The following ATXN1 variants were observed in gnomAD, a reference collection of about 807,000 sequenced individuals.
ATXN1 encodes the protein ataxin 1.
Under a neutral mutation model 56.4 loss-of-function variants are expected in ATXN1, and 8 were observed. That is an observed-to-expected ratio of 0.14 (90% CI 0.08 to 0.26). ATXN1 has a LOEUF of 0.26. Among genes scored for constraint, ATXN1 ranks in the 10% least tolerant of loss-of-function variants. The pLI is 1.00. For missense variants in ATXN1, 987 were observed against 1,106.5 expected (o/e 0.89, Z 1.53); for synonymous variants, 514 against 494.6 (o/e 1.04, Z -0.52).
At chr6:16,562,180 C>T (rs1481029416) in intron 4 of ATXN1, among the ~76,000 whole-genome samples, 1 of 151,834 alleles carries the variant, frequency 6.6e-6, no homozygotes, top group Non-Finnish European at 1.5e-5. Context: ...GGAGACCAGC[C>T]TGGGCAACAC....
intron 6 of ATXN1, among the ~76,000 whole-genome samples, chr6:16,337,464 T>C (rs1761149649): frequency 6.6e-6 from 1 of 152,196 alleles, no homozygotes; most frequent in Admixed American, 6.5e-5. Flanking sequence ...AGTGGCTGTG[T>C]AGCCAGTGTC....
chr6:16,635,018 G>A (rs1763570107), intron 3 of ATXN1, among the ~76,000 whole-genome samples: 1 of 152,186 alleles, frequency 6.6e-6, no homozygotes, highest in African/African-American at 2.4e-5. Context: ...AACAGGAGGT[G>A]AGCAGTAGGC....
intron 6 of ATXN1, among the ~76,000 whole-genome samples, chr6:16,409,575 C>A: frequency 6.6e-6 from 1 of 151,306 alleles, no homozygotes; most frequent in Non-Finnish European, 1.5e-5. Flanking sequence ...ATAGCTTGAA[C>A]CTGGGAGGTG....
At chr6:16,653,391 C>G (rs901376288) in intron 3 of ATXN1, among the ~76,000 whole-genome samples, 1 of 152,266 alleles carries the variant, frequency 6.6e-6, no homozygotes, top group Non-Finnish European at 1.5e-5. Flanking sequence ...AAACTTGATC[C>G]TTTTCAGCAG....
chr6:16,493,303 C>T (rs1760706232), intron 5 of ATXN1, among the ~76,000 whole-genome samples: 1 of 152,206 alleles, frequency 6.6e-6, no homozygotes, highest in South Asian at 2.1e-4. Flanking sequence ...GAAGCAGCCA[C>T]AGTGAGCTTC....
intron 2 of ATXN1, among the ~76,000 whole-genome samples, chr6:16,734,334 C>T (rs747686883): frequency 3.2e-4 from 48 of 152,044 alleles, no homozygotes; most frequent in Non-Finnish European, 5.3e-4. Context: ...AAGGAACGCT[C>T]GCCTTCACTT....
At chr6:16,441,263 G>C (rs1221353574) in intron 6 of ATXN1, among the ~76,000 whole-genome samples, 2 of 152,162 alleles carry the variant, frequency 1.3e-5, no homozygotes, top group African/African-American at 4.8e-5. Context: ...TTTAGCCAAA[G>C]TGAAGGGAGG....
intron 3 of ATXN1, among the ~76,000 whole-genome samples, chr6:16,650,912 TAG>T (rs1182547278): frequency 1.3e-5 from 2 of 152,064 alleles, no homozygotes; most frequent in Non-Finnish European, 2.9e-5. Context: ...AGGAAAGGAG[TAG>T]AGAGGAGCTG....
Position 16,673,032 on chromosome 6 carries a change from A to AAAAAAAAG in ATXN1, c.-614-15132_-614-15131insCTTTTTTT, listed in dbSNP as rs1758579825. Among the ~76,000 whole-genome samples, 4 of 151,518 alleles carry AAAAAAAAG rather than the reference A, an allele frequency of 2.6e-5. No individual in the cohort carries two copies. In the South Asian group the frequency reaches 8.3e-4, roughly 32 times the overall value. ...CGTTCCCCCCCGCCAAAAAAAAAAAAAAAAGAAAAGAAAAGAAAGAAAACG... is the reference window on the plus strand; with the variant it reads ...CGTTCCCCCCCGCCAAAAAAAAAAAAAAAAAAAGAAAAGAAAAGAAAAGAAAGAAAACG... On this transcript the variant is annotated intron_variant, in intron 2 of 7. Coordinates refer to ENST00000436367, the MANE Select transcript of ATXN1 (RefSeq NM_001128164.2).
At chr6:16,354,631 T>A (rs928705866) in intron 6 of ATXN1, among the ~76,000 whole-genome samples, 1 of 152,210 alleles carries the variant, frequency 6.6e-6, no homozygotes, top group Non-Finnish European at 1.5e-5. Flanking sequence ...AATCGAGTCC[T>A]TTTAAACAAA....
rs570094850 is a variant in ATXN1 at position 16,563,384 on chromosome 6, G to C, written c.-361+22396C>G. Among the ~76,000 whole-genome samples, 25 of 152,266 alleles carry C rather than the reference G, an allele frequency of 1.6e-4. No homozygotes were observed. The South Asian group carries it at 5.0e-3, about 30-fold the overall frequency. ...GTGATGGGGATCATGCAGGATTGGT[G>C]CCTGGAAAGGAATGCATGGCACTAA... is the stretch of plus-strand genomic sequence containing the variant. On this transcript the variant is annotated intron_variant, in intron 4 of 7. Transcript: ENST00000436367.
At chr6:16,733,104 AC>A (rs1760028972) in intron 2 of ATXN1, among the ~76,000 whole-genome samples, 2 of 152,222 alleles carry the variant, frequency 1.3e-5, no homozygotes, top group Admixed American at 6.5e-5. Context: ...CACCCACCAT[AC>A]CAGGTATTAC....
chr6:16,426,990 C>T (rs576902328), intron 6 of ATXN1, among the ~76,000 whole-genome samples: 3 of 152,150 alleles, frequency 2.0e-5, no homozygotes, highest in East Asian at 1.9e-4. Context: ...CCTAAAGCCC[C>T]GCCCCCTCAC....
At chr6:16,634,837 C>CA (rs1334801248) in intron 3 of ATXN1, among the ~76,000 whole-genome samples, 4 of 152,110 alleles carry the variant, frequency 2.6e-5, no homozygotes, top group Non-Finnish European at 5.9e-5. Flanking sequence ...GCAGAGTGCT[C>CA]AGCTCAGTAC....
At chr6:16,677,968 T>G (rs1436699917) in intron 2 of ATXN1, among the ~76,000 whole-genome samples, 1 of 152,236 alleles carries the variant, frequency 6.6e-6, no homozygotes, top group Non-Finnish European at 1.5e-5. Flanking sequence ...CTTGCAACTT[T>G]TATCAGGGGC....
chr6:16,580,717 A>T (rs1762512942), intron 4 of ATXN1, among the ~76,000 whole-genome samples: 1 of 152,230 alleles, frequency 6.6e-6, no homozygotes, highest in South Asian at 2.1e-4. Context: ...AAGTTATTTT[A>T]AAACTTTAAA....
At chr6:16,715,870 C>T (rs898577650) in intron 2 of ATXN1, among the ~76,000 whole-genome samples, 1 of 152,194 alleles carries the variant, frequency 6.6e-6, no homozygotes, top group Non-Finnish European at 1.5e-5. Flanking sequence ...CCCCATACCA[C>T]GTCCCCTAAG....
intron 6 of ATXN1, among the ~76,000 whole-genome samples, chr6:16,386,380 G>T (rs1337171586): frequency 6.6e-6 from 1 of 152,210 alleles, no homozygotes; most frequent in African/African-American, 2.4e-5. Context: ...GTTCAGGACT[G>T]GAGGGGGCTG....
chr6:16,436,819 A>G (rs1422232842), intron 6 of ATXN1, among the ~76,000 whole-genome samples: 1 of 152,194 alleles, frequency 6.6e-6, no homozygotes, highest in East Asian at 1.9e-4. Flanking sequence ...CAGAGGAGGT[A>G]CAGGGTCTGG....
Sources: allele counts gnomAD v4.1 joint callset (sites outside exome capture counted in the v4.1 genomes callset), GRCh38; gene constraint gnomAD v4.1.1; transcripts MANE v1.5; gene names NCBI Gene and HGNC (gene_info 2026-07-23, HGNC 2026-07-21).